Variants in PRKG2 observed in about 807,000 individuals in gnomAD.
The protein encoded by PRKG2 is cGMP-dependent protein kinase 2.
PRKG2 carries 33 observed loss-of-function variants against 97.2 expected under a neutral mutation model. The ratio of observed to expected loss-of-function variants is 0.34; its 90% CI spans 0.26 to 0.45. The LOEUF is 0.45. Ranked by LOEUF, PRKG2 falls within the 20% of genes least tolerant of loss-of-function variation. The pLI is 1.00. For missense variants in PRKG2, 638 were observed against 900.0 expected, an observed-to-expected ratio of 0.71 and a Z score of 3.73; for synonymous variants, 330 against 321.8, an observed-to-expected ratio of 1.03 and a Z score of -0.27.
rs1288445899 is a variant in PRKG2 at position 81,144,764 on chromosome 4, C to T, written c.1155-434G>A. Among the ~76,000 whole-genome samples the T allele has an allele frequency of 3.3e-5, 4 of 121,222 alleles. No individual in the cohort carries two copies. In the South Asian group the frequency reaches 1.0e-3, roughly 31 times the overall value. The allele number at this position is 121,222 out of a possible 152,430, so 79.5% of individuals were successfully genotyped here. A position where few individuals can be genotyped will look rare whatever the true frequency, so the allele number is the denominator to read the frequency against. On this transcript the variant is annotated intron_variant, in intron 9 of 18. Transcript: ENST00000264399. ...TAATGCTATCCCTCCCCCCTCCCCC[C>T]ACCCCATGACAGGCCCCGGTGTGTC...
intron 15 of PRKG2, among the ~76,000 whole-genome samples, chr4:81,106,846 T>C (rs1743394883): frequency 6.6e-6 from 1 of 152,154 alleles, no homozygotes; most frequent in African/African-American, 2.4e-5. Context: ...TGCCTGGCTT[T>C]TGGCCATGTG....
intron 11 of PRKG2, among the ~76,000 whole-genome samples, chr4:81,141,839 A>C (rs1747321100): frequency 6.6e-6 from 1 of 152,190 alleles, no homozygotes. Context: ...GAGACATTAC[A>C]CACATTATTT....
chr4:81,190,687 A>C (rs1752408325), intron 2 of PRKG2, among the ~76,000 whole-genome samples: 1 of 152,206 alleles, frequency 6.6e-6, no homozygotes. Flanking sequence ...CAATCTTTCT[A>C]TTTGACAAAG....
At chr4:81,129,781 ATC>A (rs1236446680) in intron 14 of PRKG2, among the ~76,000 whole-genome samples, 2 of 152,086 alleles carry the variant, frequency 1.3e-5, no homozygotes, top group Admixed American at 6.5e-5. Context: ...TCTTGACTCT[ATC>A]CAATTTGCCA....
chr4:81,088,835 T>C lies in PRKG2; in HGVS notation c.*873A>G, dbSNP rs1216965431. On this transcript the variant is annotated 3_prime_UTR_variant, in exon 19 of 19. Coordinates refer to ENST00000264399, the MANE Select transcript of PRKG2 (RefSeq NM_006259.3). The stretch of plus-strand genomic sequence containing the variant: ...TCAGATTTTCAAAGAGTCAGCAGTC[T>C]TACCTACTAGAATATATTTTCCTTT... 1 of 152,322 alleles carries C rather than the reference T, an allele frequency of 6.6e-6. No homozygotes were observed. The highest frequency in any genetic ancestry group is 1.9e-4 in the East Asian group (1 of 5,192). The allele number at this position is 152,322 out of a possible 1,614,324, so 9.4% of individuals were successfully genotyped here. A position where few individuals can be genotyped will look rare whatever the true frequency, so the allele number is the denominator to read the frequency against.
chr4:81,145,352 T>C (rs986780221), intron 9 of PRKG2, among the ~76,000 whole-genome samples: 4 of 152,182 alleles, frequency 2.6e-5, no homozygotes, highest in Non-Finnish European at 5.9e-5. Context: ...CAGATTCTTT[T>C]AACTTTGCTT....
chr4:81,101,636 C>A (rs1214738593), intron 17 of PRKG2, among the ~76,000 whole-genome samples: 2 of 150,998 alleles, frequency 1.3e-5, no homozygotes, highest in Non-Finnish European at 2.9e-5. Flanking sequence ...TTACTGAGTG[C>A]AGCACACCAA....
intron 1 of PRKG2, among the ~76,000 whole-genome samples, chr4:81,209,840 A>G (rs1753875461): frequency 6.6e-6 from 1 of 152,150 alleles, no homozygotes; most frequent in Non-Finnish European, 1.5e-5. Flanking sequence ...AACGGTAATC[A>G]ATATAGTGTT....
chr4:81,114,949 A>G (rs1744358702), intron 14 of PRKG2, among the ~76,000 whole-genome samples: 2 of 152,262 alleles, frequency 1.3e-5, no homozygotes, highest in South Asian at 4.1e-4. Context: ...TATATTTGTC[A>G]ATTTAATCTA....
At position 81,204,778 on chromosome 4, in the gene PRKG2, T is replaced by G; in HGVS notation, c.270A>C (p.Gly90=). Reference sequence around the variant, plus strand: ...CTGGAGAGGCCTGAAGCGGGCTTCCTCCCTGCATATGCACCACATCCTGCA... The same window carrying G: ...CTGGAGAGGCCTGAAGCGGGCTTCCGCCCTGCATATGCACCACATCCTGCA... ...NKLQDVVHMQ[G]GSPLQASPDK... The change falls in exon 2 of 19, where the codon GGA becomes GGC. Residue 90 remains glycine, a synonymous_variant. Coordinates refer to ENST00000264399, the MANE Select transcript of PRKG2 (RefSeq NM_006259.3). The G allele has an allele frequency of 6.2e-7, 1 of 1,614,174 alleles. No homozygotes were observed. Among genetic ancestry groups the G allele is most frequent in the Non-Finnish European group, 8.5e-7 (1 of 1,180,040 alleles).
chr4:81,184,829 G>A (rs1264422156), intron 2 of PRKG2, among the ~76,000 whole-genome samples: 1 of 152,096 alleles, frequency 6.6e-6, no homozygotes, highest in East Asian at 1.9e-4. Flanking sequence ...CACAGCAAGA[G>A]AACTTTGAGA....
At chr4:81,103,904 G>A (rs998233320) in intron 17 of PRKG2, among the ~76,000 whole-genome samples, 48 of 152,240 alleles carry the variant, frequency 3.2e-4, no homozygotes, top group African/African-American at 1.1e-3. Context: ...GGTGGCAGGT[G>A]CCTGTAATCC....
At chr4:81,149,952 A>G (rs1017169153) in intron 8 of PRKG2, among the ~76,000 whole-genome samples, 6 of 152,162 alleles carry the variant, frequency 3.9e-5, no homozygotes, top group Admixed American at 1.3e-4. Flanking sequence ...ACATTCTGAG[A>G]CCTTCTGACA....
At chr4:81,194,307 C>T (rs1175966720) in intron 2 of PRKG2, among the ~76,000 whole-genome samples, 1 of 151,886 alleles carries the variant, frequency 6.6e-6, no homozygotes, top group Non-Finnish European at 1.5e-5. Context: ...AGTTGGAAAA[C>T]GTCAGTCACC....
chr4:81,160,903 G>A (rs1749547940), intron 6 of PRKG2, among the ~76,000 whole-genome samples: 2 of 152,032 alleles, frequency 1.3e-5, no homozygotes, highest in Non-Finnish European at 2.9e-5. Context: ...CCTCTACTTT[G>A]CTTTAATTTG....
chr4:81,104,579 T>A (rs1372167406), intron 16 of PRKG2, 147 bp from the exon 17 acceptor site: 1 of 327,738 alleles, frequency 3.1e-6, no homozygotes, highest in African/African-American at 2.2e-5. Flanking sequence ...GTTGCTACTG[T>A]AGACCAGACA....
intron 2 of PRKG2, chr4:81,176,120 C>A (rs1750901199): frequency 6.6e-6 from 1 of 152,078 alleles, no homozygotes; most frequent in African/African-American, 2.4e-5. Flanking sequence ...AGAATGAAGT[C>A]TTGTACAAAG....
chr4:81,187,711 C>T (rs907842005), intron 2 of PRKG2, among the ~76,000 whole-genome samples: 3 of 152,076 alleles, frequency 2.0e-5, no homozygotes, highest in Non-Finnish European at 4.4e-5. Context: ...GTATATTTCG[C>T]AAACCCCATC....
At chr4:81,186,029 C>T (rs1751851554) in intron 2 of PRKG2, among the ~76,000 whole-genome samples, 1 of 152,130 alleles carries the variant, frequency 6.6e-6, no homozygotes, top group Non-Finnish European at 1.5e-5. Flanking sequence ...TAGCGGGAGA[C>T]TTCAACGCCC....
Sources: gnomAD v4.1 joint callset for allele counts (sites outside exome capture counted in the v4.1 genomes callset) on GRCh38, gnomAD v4.1.1 for gene constraint, MANE v1.5 for transcripts, NCBI Gene and HGNC (gene_info 2026-07-23, HGNC 2026-07-21) for gene names.